SCHIP1: variants seen among roughly 807,000 people sequenced by gnomAD.
SCHIP1 encodes schwannomin-interacting protein 1.
Under a neutral mutation model 29.7 loss-of-function variants are expected in SCHIP1, and 8 were observed. That is an observed-to-expected ratio of 0.27 (90% CI 0.16 to 0.49). SCHIP1 has a LOEUF of 0.49. Among genes scored for constraint, SCHIP1 ranks in the 20% least tolerant of loss-of-function variants. SCHIP1 has a pLI of 0.99. For synonymous variants in SCHIP1, 76 were observed against 94.9 expected (o/e 0.80, Z 1.16); for missense variants, 193 against 294.6 (o/e 0.66, Z 2.52).
chr3:159,463,163 A>G, the SCHIP1 span, among the ~76,000 whole-genome samples: 1 of 152,070 alleles, frequency 6.6e-6, no homozygotes, highest in South Asian at 2.1e-4. Flanking sequence ...ATATATATAC[A>G]CATTGCATTT....
At chr3:159,447,002 G>T in the SCHIP1 span, among the ~76,000 whole-genome samples, 8 of 152,102 alleles carry the variant, frequency 5.3e-5, no homozygotes, top group Non-Finnish European at 2.9e-5. Flanking sequence ...GAATATTTTG[G>T]GACTAGAGAC....
At chr3:159,561,817 A>G in the SCHIP1 span, among the ~76,000 whole-genome samples, 2 of 152,132 alleles carry the variant, frequency 1.3e-5, no homozygotes, top group Non-Finnish European at 2.9e-5. Context: ...CAAAGGGACA[A>G]ATTAACCCCT....
At chr3:159,702,003 A>G in the SCHIP1 span, among the ~76,000 whole-genome samples, 14 of 152,084 alleles carry the variant, frequency 9.2e-5, no homozygotes, top group African/African-American at 2.7e-4. Flanking sequence ...ACCTACCCCA[A>G]TACAAATCTA....
chr3:159,886,299 G>A, exon 3 of SCHIP1: 1 of 1,614,072 alleles, frequency 6.2e-7, no homozygotes, highest in African/African-American at 1.3e-5. Flanking sequence ...ACTGAAACCA[G>A]CTTGGACACC....
At chr3:159,788,405 GAA>G in the SCHIP1 span, among the ~76,000 whole-genome samples, 1 of 152,220 alleles carries the variant, frequency 6.6e-6, no homozygotes, top group Non-Finnish European at 1.5e-5. Flanking sequence ...AAACAAAGCT[GAA>G]GAGTGGCCTG....
At chr3:159,617,719 C>G in the SCHIP1 span, among the ~76,000 whole-genome samples, 1 of 152,142 alleles carries the variant, frequency 6.6e-6, no homozygotes, top group African/African-American at 2.4e-5. Context: ...ACTACCCCCC[C>G]TAGGAAGAGG....
chr3:159,483,381 T>C, the SCHIP1 span, among the ~76,000 whole-genome samples: 1 of 152,136 alleles, frequency 6.6e-6, no homozygotes, highest in East Asian at 1.9e-4. Context: ...TGTCCAATAG[T>C]ATAGATACTA....
At chr3:159,370,258 A>G in the SCHIP1 span, among the ~76,000 whole-genome samples, 4 of 151,912 alleles carry the variant, frequency 2.6e-5, no homozygotes, top group African/African-American at 7.3e-5. Context: ...TGCTCACTCT[A>G]TCTCAGCCAT....
the SCHIP1 span, among the ~76,000 whole-genome samples, chr3:159,356,454 G>C: frequency 6.6e-6 from 1 of 152,114 alleles, no homozygotes; most frequent in Non-Finnish European, 1.5e-5. Flanking sequence ...ATGGTAGTGT[G>C]TTATTTAGCA....
chr3:159,660,293 C>T, the SCHIP1 span, among the ~76,000 whole-genome samples: 676 of 152,252 alleles, frequency 4.4e-3, 8 homozygotes, highest in Admixed American at 0.024. Flanking sequence ...GAGTAGGCCA[C>T]AAATAAAAGC....
the SCHIP1 span, among the ~76,000 whole-genome samples, chr3:159,392,950 C>T: frequency 5.3e-5 from 8 of 152,204 alleles, no homozygotes; most frequent in African/African-American, 1.2e-4. Context: ...GTGTTCCTAC[C>T]TCTCCACGTC....
chr3:159,646,276 G>A, the SCHIP1 span, among the ~76,000 whole-genome samples: 1 of 152,150 alleles, frequency 6.6e-6, no homozygotes, highest in Non-Finnish European at 1.5e-5. Context: ...TTATCACTTA[G>A]CTGTTTGTGC....
chr3:159,573,207 C>T, the SCHIP1 span, among the ~76,000 whole-genome samples: 1 of 152,190 alleles, frequency 6.6e-6, no homozygotes, highest in Non-Finnish European at 1.5e-5. Flanking sequence ...TTCATAGCAT[C>T]AATGGTCTTT....
At chr3:159,793,614 G>A in the SCHIP1 span, among the ~76,000 whole-genome samples, 2 of 152,176 alleles carry the variant, frequency 1.3e-5, no homozygotes. Context: ...CTTGAGTGCA[G>A]TGGTGTCATC....
chr3:159,662,712 C>G, the SCHIP1 span, among the ~76,000 whole-genome samples: 1 of 152,142 alleles, frequency 6.6e-6, no homozygotes, highest in Non-Finnish European at 1.5e-5. Flanking sequence ...CTAGGCCAAA[C>G]CCATTAACAA....
chr3:159,779,084 G>A, the SCHIP1 span, among the ~76,000 whole-genome samples: 299 of 152,282 alleles, frequency 2.0e-3, 1 homozygote, highest in African/African-American at 6.9e-3. Context: ...GAATTGTGAA[G>A]GCTCTATGAA....
At chr3:159,304,184 A>G in the SCHIP1 span, among the ~76,000 whole-genome samples, 1 of 152,200 alleles carries the variant, frequency 6.6e-6, no homozygotes, top group African/African-American at 2.4e-5. Context: ...TAGTGTACTT[A>G]TAGATCCAAA....
chr3:159,374,712 A>G, the SCHIP1 span, among the ~76,000 whole-genome samples: 5 of 152,220 alleles, frequency 3.3e-5, no homozygotes, highest in African/African-American at 9.6e-5. Flanking sequence ...ATTAATAGAT[A>G]TATTACTTAA....
the SCHIP1 span, chr3:159,764,623 C>T: frequency 2.5e-5 from 40 of 1,608,392 alleles, no homozygotes; most frequent in Admixed American, 4.4e-4. The surrounding 1 kb of genome is among the most constrained non-coding windows in gnomAD (Gnocchi z 6.1). Context: ...GGAGCCCTTC[C>T]CGGTCTACCA....
Sources: allele counts gnomAD v4.1 joint callset (sites outside exome capture counted in the v4.1 genomes callset), GRCh38; gene constraint gnomAD v4.1.1; non-coding constraint Gnocchi (gnomAD v3.1); transcripts MANE v1.5; gene names NCBI Gene and HGNC (gene_info 2026-07-23, HGNC 2026-07-21).